The following ZNF566 variants were observed in gnomAD, a reference collection of about 807,000 sequenced individuals.
ZNF566 encodes the protein zinc finger protein 566.
ZNF566 carries 27 observed loss-of-function variants against 32.8 expected under a neutral mutation model. The observed-to-expected ratio is 0.82, with a 90% confidence interval of 0.61 to 1.14. The LOEUF (loss-of-function observed/expected upper bound fraction) is 1.14. Among genes scored for constraint, ZNF566 ranks in the 50% most tolerant of loss-of-function variants. The pLI is 0.00. For missense variants in ZNF566, 402 were observed against 490.4 expected, an observed-to-expected ratio of 0.82 and a Z score of 1.70; for synonymous variants, 154 against 159.5, an observed-to-expected ratio of 0.97 and a Z score of 0.26.
chr19:36,457,292 A>C (rs983649973), intron 4 of ZNF566, among the ~76,000 whole-genome samples: 3 of 152,190 alleles, frequency 2.0e-5, no homozygotes, highest in Admixed American at 1.3e-4. Context: ...AACTAAAAAC[A>C]CAGAAAAGAA....
At chr19:36,459,740 A>G (rs1377230890) in intron 4 of ZNF566, among the ~76,000 whole-genome samples, 5 of 130,316 alleles carry the variant, frequency 3.8e-5, no homozygotes, top group Admixed American at 3.1e-4. Context: ...TCGAACCCCA[A>G]CCTCAGGTGA....
At chr19:36,474,861 A>T (rs1338564986) in intron 2 of ZNF566, among the ~76,000 whole-genome samples, 1 of 152,234 alleles carries the variant, frequency 6.6e-6, no homozygotes, top group African/African-American at 2.4e-5. Context: ...TTCTATTATA[A>T]GGCTATAAAT....
intron 4 of ZNF566, among the ~76,000 whole-genome samples, chr19:36,461,778 C>T (rs1046670993): frequency 6.6e-6 from 1 of 152,280 alleles, no homozygotes; most frequent in East Asian, 1.9e-4. Flanking sequence ...CTGCAAGTTC[C>T]AACAAGGCTT....
intron 2 of ZNF566, among the ~76,000 whole-genome samples, chr19:36,475,245 A>G (rs1399486288): frequency 6.6e-6 from 1 of 151,986 alleles, no homozygotes; most frequent in Non-Finnish European, 1.5e-5. Flanking sequence ...GGGGTTTGCC[A>G]TGTTGCCCAG....
intron 4 of ZNF566, among the ~76,000 whole-genome samples, chr19:36,469,288 C>A (rs1048494072): frequency 2.0e-5 from 3 of 151,822 alleles, no homozygotes; most frequent in Non-Finnish European, 4.4e-5. Context: ...CCTGCAATCC[C>A]AGAATTTGGG....
At chr19:36,478,755 C>T (rs987696782) in intron 1 of ZNF566, among the ~76,000 whole-genome samples, 1 of 152,152 alleles carries the variant, frequency 6.6e-6, no homozygotes. Flanking sequence ...CTGGGTATGC[C>T]TAGAATGCAA....
chr19:36,446,864 AGTG>A lies in ZNF566; in HGVS notation c.*2110_*2112del, dbSNP rs1042630443. On this transcript the variant is annotated 3_prime_UTR_variant, in exon 5 of 5. Transcript: ENST00000452939. ...CTACACAGGATCTAAGAAAAAAGGA[AGTG>A]GGGCATAAAATAACAGTTCTACAGA... The A allele has an allele frequency of 1.2e-4, 19 of 152,288 alleles. No homozygotes were observed. Among genetic ancestry groups the A allele is most frequent in the African/African-American group, 4.6e-4 (19 of 41,556 alleles). The allele number at this position is 152,288 out of a possible 1,614,324, so 9.4% of individuals were successfully genotyped here. A position where few individuals can be genotyped will look rare whatever the true frequency, so the allele number is the denominator to read the frequency against.
chr19:36,488,048 T>C (rs1349801347), intron 1 of ZNF566, among the ~76,000 whole-genome samples: 1 of 152,014 alleles, frequency 6.6e-6, no homozygotes, highest in African/African-American at 2.4e-5. Flanking sequence ...CTAAGAGTGT[T>C]ACACAGCTGT....
In ZNF566 at chr19:36,446,721, T is replaced by C. The variant is rs1283495892; in HGVS notation, c.*2256A>G. On this transcript the variant is annotated 3_prime_UTR_variant, in exon 5 of 5. Coordinates refer to ENST00000452939, the MANE Select transcript of ZNF566 (RefSeq NM_001145344.1). ...GCAAAACATTACAACAGTCCATTTT[T>C]AGTAATTCTCTCATTTGCAGGTATT... 3.9e-5 allele frequency: 6 copies of C among 152,248 alleles called. No individual in the cohort carries two copies. The highest frequency in any genetic ancestry group is 6.5e-5 in the Admixed American group (1 of 15,280). The allele number at this position is 152,248 out of a possible 1,614,324, so 9.4% of individuals were successfully genotyped here. A position where few individuals can be genotyped will look rare whatever the true frequency, so the allele number is the denominator to read the frequency against.
At chr19:36,456,728 T>C (rs1364594314) in intron 4 of ZNF566, among the ~76,000 whole-genome samples, 2 of 151,940 alleles carry the variant, frequency 1.3e-5, no homozygotes, top group Non-Finnish European at 2.9e-5. Context: ...ACTTAAAGTA[T>C]AATAAAAAAT....
intron 4 of ZNF566, among the ~76,000 whole-genome samples, chr19:36,470,157 C>T (rs903118065): frequency 1.3e-5 from 2 of 152,138 alleles, no homozygotes; most frequent in African/African-American, 2.4e-5. Flanking sequence ...GGATTTCATC[C>T]AGTCACAAGA....
rs150012085 is a variant in ZNF566, at chr19:36,488,922, G to A, written c.-60+564C>T. ...CCCACCATGGGGACATTCAGCTACAGACAATCCACGCCCAAAGCAACAGGG... is the reference window on the plus strand; with the variant it reads ...CCCACCATGGGGACATTCAGCTACAAACAATCCACGCCCAAAGCAACAGGG... On this transcript the variant is annotated intron_variant, in intron 1 of 4. Coordinates refer to ENST00000452939, the MANE Select transcript of ZNF566 (RefSeq NM_001145344.1). 6.7e-3 allele frequency among the ~76,000 whole-genome samples: 1,017 copies of A among 152,218 alleles called. 4 individuals carry two copies. Among genetic ancestry groups the A allele is most frequent in the South Asian group, 0.021 (100 of 4,824 alleles).
At chr19:36,489,199 C>T (rs1270165279) in intron 1 of ZNF566, among the ~76,000 whole-genome samples, 1 of 152,188 alleles carries the variant, frequency 6.6e-6, no homozygotes, top group Admixed American at 6.5e-5. Context: ...CGCAGTAACA[C>T]TCAACCAGGC....
intron 1 of ZNF566, among the ~76,000 whole-genome samples, chr19:36,480,196 A>G (rs2033990379): frequency 6.6e-6 from 1 of 152,182 alleles, no homozygotes; most frequent in South Asian, 2.1e-4. Context: ...CAATAAAACC[A>G]AATAGAATAT....
Position 36,449,137 on chromosome 19 carries a change from G to T in ZNF566, c.1097C>A (p.Pro366His). The T allele has an allele frequency of 6.2e-7, 1 of 1,614,030 alleles. No homozygotes were observed. Among genetic ancestry groups the T allele is most frequent in the South Asian group, 1.1e-5 (1 of 91,076 alleles). Residue 366 changes from proline to histidine, a missense_variant, in exon 5 of 5, where the codon CCC (proline) becomes CAC (histidine). Physicochemically the swap from Pro to His is moderately conservative, Grantham distance 77. This residue lies in a region of ZNF566 where 135 missense variants were observed against 210.0 expected (regional missense o/e 0.64). Coordinates refer to ENST00000452939, the MANE Select transcript of ZNF566 (RefSeq NM_001145344.1). ...CTTCCCACATATCTTACATTCATAG[G>T]GTTTCTCCCCAGTATGAATTCTCTG... is the stretch of plus-strand genomic sequence containing the variant. ...RHQRIHTGEK[P>H]YECKICGKAY...
intron 1 of ZNF566, among the ~76,000 whole-genome samples, chr19:36,488,347 G>T (rs965856311): frequency 6.6e-6 from 1 of 152,148 alleles, no homozygotes; most frequent in African/African-American, 2.4e-5. Flanking sequence ...CTCTCACCTT[G>T]GCCTGGCAAA....
At chr19:36,483,786 C>T (rs933756013) in intron 1 of ZNF566, among the ~76,000 whole-genome samples, 2 of 152,046 alleles carry the variant, frequency 1.3e-5, no homozygotes, top group African/African-American at 4.8e-5. Context: ...GATTCAGAGA[C>T]ACTCCAGGGA....
chr19:36,480,921 T>A (rs2034013381), intron 1 of ZNF566, among the ~76,000 whole-genome samples: 1 of 151,724 alleles, frequency 6.6e-6, no homozygotes, highest in African/African-American at 2.4e-5. Context: ...CAGACGCCTG[T>A]AATCCCAGCT....
At chr19:36,453,901 G>T (rs1259912904) in intron 4 of ZNF566, among the ~76,000 whole-genome samples, 3 of 152,026 alleles carry the variant, frequency 2.0e-5, no homozygotes, top group Non-Finnish European at 2.9e-5. Context: ...TCGGTTTGCT[G>T]CAACCTCTGC....
Sources: gnomAD v4.1 joint callset for allele counts (sites outside exome capture counted in the v4.1 genomes callset) on GRCh38, gnomAD v4.1.1 for gene constraint, gnomAD v4.1.1 regional missense constraint, MANE v1.5 for transcripts, NCBI Gene and HGNC (gene_info 2026-07-23, HGNC 2026-07-21) for gene names.